Variants in STXBP6 observed in about 807,000 individuals in gnomAD.
STXBP6 encodes syntaxin binding protein 6.
STXBP6 carries 21 observed loss-of-function variants against 26.9 expected under a neutral mutation model. That is an observed-to-expected ratio of 0.78 (90% confidence interval 0.55 to 1.12). STXBP6 has a LOEUF of 1.12. Ranked by LOEUF, STXBP6 falls within the 50% of genes most tolerant of loss-of-function variation. The probability of loss-of-function intolerance (pLI) is 0.00; values close to 1 mark genes in which losing one functional copy is unlikely to be tolerated. For missense variants in STXBP6, 232 were observed against 257.9 expected (o/e 0.90, Z 0.69); for synonymous variants, 97 against 92.6 (o/e 1.05, Z -0.27).
At chr14:24,856,422 A>G (rs867144046) in intron 3 of STXBP6, among the ~76,000 whole-genome samples, 1 of 152,124 alleles carries the variant, frequency 6.6e-6, no homozygotes, top group African/African-American at 2.4e-5. Context: ...GGTTCTCAGC[A>G]ACGACCTATA....
chr14:24,847,102 T>C (rs1368738023), intron 4 of STXBP6, among the ~76,000 whole-genome samples: 1 of 152,114 alleles, frequency 6.6e-6, no homozygotes, highest in East Asian at 1.9e-4. Context: ...GAAGTGGGGG[T>C]GAATTTGACA....
At chr14:25,033,309 T>C in intron 1 of STXBP6, among the ~76,000 whole-genome samples, 1 of 152,184 alleles carries the variant, frequency 6.6e-6, no homozygotes, top group Admixed American at 6.5e-5. Context: ...GTTCGCTCCA[T>C]CTTTACCACC....
chr14:24,942,164 G>A (rs2072827430), intron 2 of STXBP6, among the ~76,000 whole-genome samples: 1 of 152,184 alleles, frequency 6.6e-6, no homozygotes, highest in Admixed American at 6.5e-5. Context: ...TGAAGGGAAA[G>A]AAAAGTAAAC....
intron 2 of STXBP6, among the ~76,000 whole-genome samples, chr14:24,915,221 T>TC (rs1256701508): frequency 3.3e-5 from 5 of 152,154 alleles, no homozygotes; most frequent in African/African-American, 1.2e-4. Flanking sequence ...TGAGATGGCT[T>TC]TGTAAATTCT....
chr14:24,969,168 C>T (rs2073827449), intron 2 of STXBP6, among the ~76,000 whole-genome samples: 1 of 152,150 alleles, frequency 6.6e-6, no homozygotes, highest in Admixed American at 6.5e-5. Flanking sequence ...AAATTTTGCT[C>T]TCCCTACAAA....
At chr14:24,827,347 A>AT (rs1016736556) in intron 4 of STXBP6, among the ~76,000 whole-genome samples, 5 of 152,352 alleles carry the variant, frequency 3.3e-5, no homozygotes, top group African/African-American at 1.2e-4. Context: ...TAACTGATTC[A>AT]TTCAGCTCAC....
intron 1 of STXBP6, among the ~76,000 whole-genome samples, chr14:25,025,911 C>T (rs2075341087): frequency 6.6e-6 from 1 of 152,134 alleles, no homozygotes; most frequent in Non-Finnish European, 1.5e-5. Flanking sequence ...TAAATAAGGT[C>T]CTGCAAAAAT....
intron 1 of STXBP6, among the ~76,000 whole-genome samples, chr14:25,045,506 T>C (rs568339855): frequency 6.6e-6 from 1 of 152,244 alleles, no homozygotes; most frequent in South Asian, 2.1e-4. Context: ...CTTGCTTTGT[T>C]TGAGGATGTC....
intron 2 of STXBP6, among the ~76,000 whole-genome samples, chr14:24,961,186 CAT>C (rs977320963): frequency 2.6e-5 from 4 of 152,232 alleles, no homozygotes; most frequent in East Asian, 3.9e-4. Context: ...CAAAATACCA[CAT>C]GTCACTTTTA....
chr14:25,031,459 C>G (rs962896864), intron 1 of STXBP6, among the ~76,000 whole-genome samples: 1 of 152,102 alleles, frequency 6.6e-6, no homozygotes, highest in African/African-American at 2.4e-5. Context: ...ATATCCAAAG[C>G]CTTTTCCTGC....
At position 24,906,656 on chromosome 14, in the gene STXBP6, A is replaced by G. The variant is rs557131508; in HGVS notation, c.155-49499T>C. 3.9e-5 allele frequency among the ~76,000 whole-genome samples: 6 copies of G among 152,328 alleles called. No homozygotes were observed. The East Asian group carries it at 9.6e-4, about 24-fold the overall frequency. On this transcript the variant is annotated intron_variant, in intron 2 of 5. Coordinates refer to ENST00000323944, the MANE Select transcript of STXBP6 (RefSeq NM_001394410.1). ...AAATTTTCATTTAAAGCTGAAGGAAAATGAAGGATAGTGCTGAATTGCAAG... is the reference window on the plus strand; with the variant it reads ...AAATTTTCATTTAAAGCTGAAGGAAGATGAAGGATAGTGCTGAATTGCAAG...
At chr14:24,887,736 GA>G (rs1271588599) in intron 2 of STXBP6, among the ~76,000 whole-genome samples, 1 of 152,104 alleles carries the variant, frequency 6.6e-6, no homozygotes, top group Non-Finnish European at 1.5e-5. Flanking sequence ...CACACTAAAG[GA>G]AAACCAAAAC....
chr14:25,037,398 T>C (rs575248649), intron 1 of STXBP6, among the ~76,000 whole-genome samples: 2 of 152,126 alleles, frequency 1.3e-5, no homozygotes, highest in East Asian at 3.9e-4. Context: ...GGTTTGACTT[T>C]TAAATCATGT....
At chr14:24,970,448 T>C (rs2073873049) in intron 2 of STXBP6, among the ~76,000 whole-genome samples, 1 of 152,136 alleles carries the variant, frequency 6.6e-6, no homozygotes, top group Non-Finnish European at 1.5e-5. Context: ...CTTTTGTCTG[T>C]TCTAGAATGT....
intron 2 of STXBP6, among the ~76,000 whole-genome samples, chr14:24,927,912 T>C (rs936413602): frequency 2.0e-5 from 3 of 152,200 alleles, no homozygotes; most frequent in African/African-American, 7.2e-5. Flanking sequence ...GTCAGGGATT[T>C]AATTCTCATT....
At chr14:24,974,900 G>T in intron 1 of STXBP6, 50 bp from the exon 2 acceptor site, 2 of 1,220,170 alleles carry the variant, frequency 1.6e-6, no homozygotes, top group Non-Finnish European at 2.2e-6. Context: ...ACATTGTAAG[G>T]GTTCATACAA....
chr14:25,033,588 T>C (rs2075499727), intron 1 of STXBP6, among the ~76,000 whole-genome samples: 1 of 152,150 alleles, frequency 6.6e-6, no homozygotes, highest in African/African-American at 2.4e-5. Context: ...TCAGGGCCTT[T>C]GCACATTCCA....
chr14:25,023,321 C>G (rs1309562068), intron 1 of STXBP6, among the ~76,000 whole-genome samples: 5 of 151,338 alleles, frequency 3.3e-5, no homozygotes, highest in Non-Finnish European at 7.4e-5. Context: ...AAAAAAAAAG[C>G]CCGTCAGAAA....
At chr14:25,037,378 A>C (rs1390802472) in intron 1 of STXBP6, among the ~76,000 whole-genome samples, 4 of 152,146 alleles carry the variant, frequency 2.6e-5, no homozygotes, top group African/African-American at 9.7e-5. Flanking sequence ...AGGAAAAGGC[A>C]AGACAGTAAG....
Sources: gnomAD v4.1 joint callset for allele counts (sites outside exome capture counted in the v4.1 genomes callset) on GRCh38, gnomAD v4.1.1 for gene constraint, MANE v1.5 for transcripts, NCBI Gene and HGNC (gene_info 2026-07-23, HGNC 2026-07-21) for gene names.